Variants in CRB2 observed in about 807,000 individuals in gnomAD.
CRB2 encodes the protein protein crumbs homolog 2.
Under a neutral mutation model 110.9 loss-of-function variants are expected in CRB2, and 85 were observed. The ratio of observed to expected loss-of-function variants is 0.77; its 90% confidence interval spans 0.64 to 0.92. The LOEUF is 0.92. CRB2 is among the 40% of genes least tolerant of loss of function. CRB2 has a pLI of 0.00. For missense variants in CRB2, 1,843 were observed against 1,851.3 expected (o/e 1.00, Z 0.08); for synonymous variants, 907 against 831.0 (o/e 1.09, Z -1.57).
intron 10 of CRB2, 21 bp from the exon 11 acceptor site, chr9:123,374,558 C>T (rs760657537): frequency 2.5e-6 from 4 of 1,588,014 alleles, no homozygotes; most frequent in African/African-American, 2.7e-5. Context: ...GCACCCACTC[C>T]AGCCTCTGCT....
intron 1 of CRB2, among the ~76,000 whole-genome samples, chr9:123,359,452 T>TTTTTTTTTTTTTTTTTTTG (rs1564367962): frequency 7.5e-6 from 1 of 132,566 alleles, no homozygotes. Context: ...TTTTTTTTTT[T>TTTTTTTTTTTTTTTTTTTG]TTTTTTTTTT....
chr9:123,374,104 A>G, intron 10 of CRB2, 184 bp downstream of exon 10: 1 of 888,034 alleles, frequency 1.1e-6, no homozygotes, highest in Non-Finnish European at 1.8e-6. Context: ...AAACACAACC[A>G]GTTAGCCTGG....
chr9:123,363,363 G>C (rs1291071693), intron 2 of CRB2, among the ~76,000 whole-genome samples, 175 bp downstream of exon 2: 1 of 152,190 alleles, frequency 6.6e-6, no homozygotes, highest in Non-Finnish European at 1.5e-5. Context: ...TGGCAGCTCT[G>C]GGTGAGAGTA....
intron 4 of CRB2, 117 bp downstream of exon 4, chr9:123,366,483 C>T: frequency 7.8e-7 from 1 of 1,282,232 alleles, no homozygotes; most frequent in Non-Finnish European, 1.0e-6. Flanking sequence ...TCCTCGGGAC[C>T]AGAGTGTGTG....
Position 123,370,458 on chromosome 9 carries a change from C to A in CRB2, c.1405C>A (p.Leu469Met). The A allele has an allele frequency of 6.2e-7, 1 of 1,613,536 alleles. No individual in the cohort carries two copies. The highest frequency in any genetic ancestry group is 8.5e-7 in the Non-Finnish European group (1 of 1,180,044). Residue 469 changes from leucine (L) to methionine (M), a missense_variant, in exon 7 of 13, where the codon CTG becomes ATG. Transcript: ENST00000373631. Reference sequence around the variant, plus strand: ...TCTGGCACTGAGGTTTCGCACCACACTGCCCGCTGGGACCTTGGCCACTCG... The same window carrying A: ...TCTGGCACTGAGGTTTCGCACCACAATGCCCGCTGGGACCTTGGCCACTCG... ...LGLALRFRTT[L>M]PAGTLATRND...
intron 4 of CRB2, 107 bp from the exon 5 acceptor site, chr9:123,367,065 T>C: frequency 8.3e-7 from 1 of 1,209,272 alleles, no homozygotes. Context: ...CATTCGTGGC[T>C]TATTCCGAGC....
At chr9:123,366,484 A>T (rs943922551) in intron 4 of CRB2, 118 bp downstream of exon 4, 29 of 1,272,286 alleles carry the variant, frequency 2.3e-5, no homozygotes, top group Non-Finnish European at 2.9e-5. Flanking sequence ...CCTCGGGACC[A>T]GAGTGTGTGT....
chr9:123,367,736 G>A (rs1291556236), intron 6 of CRB2, 50 bp downstream of exon 6: 3 of 1,220,304 alleles, frequency 2.5e-6, no homozygotes, highest in Non-Finnish European at 3.5e-6. Flanking sequence ...GTGGTCCTCA[G>A]GTGAGAAGGT....
upstream of CRB2, chr9:123,356,083 G>A (rs558478146): frequency 2.7e-5 from 12 of 452,322 alleles, no homozygotes; most frequent in Non-Finnish European, 3.5e-5. Context: ...GGACGTCCAC[G>A]AGGTGGAGCA....
intron 1 of CRB2, among the ~76,000 whole-genome samples, chr9:123,362,159 A>G (rs2041875795): frequency 6.6e-6 from 1 of 152,138 alleles, no homozygotes; most frequent in African/African-American, 2.4e-5. Flanking sequence ...GGGGGTGGGT[A>G]GTGATGTGGA....
intron 11 of CRB2, 63 bp from the exon 12 acceptor site, chr9:123,375,154 C>A: frequency 6.2e-7 from 1 of 1,604,384 alleles, no homozygotes; most frequent in Non-Finnish European, 8.5e-7. Context: ...GGCAGCAGAG[C>A]AGCTGGGAGC....
intron 6 of CRB2, among the ~76,000 whole-genome samples, chr9:123,368,233 C>T (rs905144566): frequency 5.3e-5 from 8 of 152,170 alleles, no homozygotes; most frequent in Non-Finnish European, 1.2e-4. Flanking sequence ...CTGGGGCACA[C>T]TGCCTCCTCC....
Position 123,357,648 on chromosome 9 carries a change from CCT to C in CRB2, c.94+1299_94+1300del, listed in dbSNP as rs770673559. ...GGTGGCGGGGGGCGGGGTGGCTGCT[CCT>C]CTCTGTTCTCTGCATACAAAGCACG... On this transcript the variant is annotated intron_variant, in intron 1 of 12. Transcript: ENST00000373631. Among the ~76,000 whole-genome samples, 8 of 152,190 alleles carry C rather than the reference CCT, an allele frequency of 5.3e-5. No individual in the cohort carries two copies. In the South Asian group the frequency reaches 8.3e-4, roughly 16 times the overall value.
Position 123,370,170 on chromosome 9 carries a change from T to C in CRB2, c.1117T>C (p.Cys373Arg), listed in dbSNP as rs747522263. The C allele has an allele frequency of 6.2e-7, 1 of 1,611,314 alleles. No homozygotes were observed. The highest frequency in any genetic ancestry group is 8.5e-7 in the Non-Finnish European group (1 of 1,178,530). Residue 373 changes from cysteine (C) to arginine (R), a missense_variant, in exon 7 of 13, where the codon TGC becomes CGC. Physicochemically the swap from Cys to Arg is radical, Grantham distance 180. Coordinates refer to ENST00000373631, the MANE Select transcript of CRB2 (RefSeq NM_173689.7). ...GGATCCCTGCCTGCACGGCGGAACC[T>C]GCAGTGACACTGTGGCAGGCTATAT... ...LSDPCLHGGT[C>R]SDTVAGYICR...
chr9:123,362,269 C>T (rs1480172089), intron 1 of CRB2, among the ~76,000 whole-genome samples: 1 of 152,176 alleles, frequency 6.6e-6, no homozygotes, highest in Non-Finnish European at 1.5e-5. Flanking sequence ...CCAGTTTCAC[C>T]CAGGGATGGA....
chr9:123,365,312 G>A (rs1289339377), intron 2 of CRB2, among the ~76,000 whole-genome samples: 2 of 152,030 alleles, frequency 1.3e-5, no homozygotes, highest in East Asian at 1.9e-4. Flanking sequence ...TAAAATGTAG[G>A]TGGGACCAAG....
At chr9:123,362,088 CT>C (rs1486589237) in intron 1 of CRB2, among the ~76,000 whole-genome samples, 1 of 152,166 alleles carries the variant, frequency 6.6e-6, no homozygotes, top group Non-Finnish European at 1.5e-5. Context: ...CAGGTGTTTG[CT>C]GATGGGGGAT....
rs999277097 is a variant in CRB2, at chr9:123,377,221, G to A, written c.*159G>A. On this transcript the variant is annotated 3_prime_UTR_variant, in exon 13 of 13. Transcript: ENST00000373631. ...CTGCCCCATCCTGGATGGAGGACGA[G>A]GGGAGCAACTCAGGGAAACAGAGGC... 4.4e-6 allele frequency: 3 copies of A among 678,664 alleles called. No homozygotes were observed. Among genetic ancestry groups the A allele is most frequent in the East Asian group, 2.8e-5 (1 of 35,960 alleles). 42.0% of individuals were successfully genotyped at this position (678,664 alleles called of 1,614,324 possible).
chr9:123,354,851 G>A (rs2041781750), upstream of CRB2, among the ~76,000 whole-genome samples: 1 of 152,140 alleles, frequency 6.6e-6, no homozygotes, highest in African/African-American at 2.4e-5. Context: ...ACTTGCCCCG[G>A]GCTAGAGGGT....
Sources: allele counts gnomAD v4.1 joint callset (sites outside exome capture counted in the v4.1 genomes callset), GRCh38; gene constraint gnomAD v4.1.1; transcripts MANE v1.5; gene names NCBI Gene and HGNC (gene_info 2026-07-23, HGNC 2026-07-21).